LPAR1: variants seen among roughly 807,000 people sequenced by gnomAD.
LPAR1 encodes LPA receptor 1.
Under a neutral mutation model 23.8 loss-of-function variants are expected in LPAR1, and 5 were observed. The ratio of observed to expected loss-of-function variants is 0.21; its 90% CI spans 0.11 to 0.44. The LOEUF (loss-of-function observed/expected upper bound fraction) is 0.44, where lower values mean the gene tolerates loss of function less well. Ranked by LOEUF, LPAR1 falls within the 20% of genes least tolerant of loss-of-function variation. The pLI, the probability that LPAR1 is intolerant of heterozygous loss-of-function variation, is 0.99. For synonymous variants in LPAR1, 160 were observed against 164.7 expected, an observed-to-expected ratio of 0.97 and a Z score of 0.22; for missense variants, 311 against 482.8, an observed-to-expected ratio of 0.64 and a Z score of 3.33.
At chr9:110,891,843 C>T (rs1316684985) in intron 5 of LPAR1, among the ~76,000 whole-genome samples, 6 of 152,206 alleles carry the variant, frequency 3.9e-5, no homozygotes, top group Admixed American at 2.0e-4. Flanking sequence ...CAATGAGATA[C>T]GACTGCACAC....
Position 110,985,463 on chromosome 9 carries a change from A to G in LPAR1, c.-181-11905T>C, listed in dbSNP as rs113168384. On this transcript the variant is annotated intron_variant, in intron 2 of 5. Coordinates refer to ENST00000683809, the MANE Select transcript of LPAR1 (RefSeq NM_001351411.2). ...GGCACAGAGCTAACGCATTCCAAGG[A>G]AGAAATACAACTAGCCCATCCTGCG... is the stretch of plus-strand genomic sequence containing the variant. Among the ~76,000 whole-genome samples the G allele has an allele frequency of 2.6e-3, 401 of 152,234 alleles. 2 individuals are homozygous for G. The highest frequency in any genetic ancestry group is 9.3e-3 in the African/African-American group (387 of 41,556).
intron 5 of LPAR1, among the ~76,000 whole-genome samples, chr9:110,883,289 G>A (rs1004459338): frequency 1.3e-5 from 2 of 152,088 alleles, no homozygotes; most frequent in Non-Finnish European, 1.5e-5. Context: ...GCCCACCTTC[G>A]CCTCCCAAAG....
intron 2 of LPAR1, among the ~76,000 whole-genome samples, chr9:110,998,076 G>C (rs112893547): frequency 2.0e-5 from 3 of 152,150 alleles, no homozygotes; most frequent in African/African-American, 7.2e-5. Flanking sequence ...GTGGATCCAA[G>C]AATTTGCATT....
At chr9:110,911,547 A>T (rs1199435834) in intron 5 of LPAR1, among the ~76,000 whole-genome samples, 11 of 151,664 alleles carry the variant, frequency 7.3e-5, no homozygotes, top group Non-Finnish European at 7.4e-5. Flanking sequence ...ATCTAAAAAA[A>T]TAGTGGAGGA....
rs1000781847 is a variant in LPAR1, at chr9:110,990,559, G to T, written c.-181-17001C>A. ...TGAATATTTTGAACTAAATGAAGAG[G>T]AAAACAAAACATATCAAAATTTGTG... On this transcript the variant is annotated intron_variant, in intron 2 of 5. Coordinates refer to ENST00000683809, the MANE Select transcript of LPAR1 (RefSeq NM_001351411.2). Among the ~76,000 whole-genome samples, 3 of 151,898 alleles carry T rather than the reference G, an allele frequency of 2.0e-5. 1 individual carries two copies. Among genetic ancestry groups the T allele is most frequent in the Non-Finnish European group, 4.4e-5 (3 of 67,942 alleles).
intron 2 of LPAR1, among the ~76,000 whole-genome samples, chr9:110,978,762 G>A (rs2096610395): frequency 6.6e-6 from 1 of 152,166 alleles, no homozygotes; most frequent in South Asian, 2.1e-4. Flanking sequence ...TCTGGAATCT[G>A]AGCAGATGAA....
At chr9:110,937,543 G>A (rs563393836) in intron 5 of LPAR1, among the ~76,000 whole-genome samples, 3 of 152,172 alleles carry the variant, frequency 2.0e-5, no homozygotes, top group South Asian at 4.1e-4. Flanking sequence ...GTACCTATAC[G>A]CCATAGGGTT....
chr9:110,984,897 C>A (rs2096749720), intron 2 of LPAR1, among the ~76,000 whole-genome samples: 1 of 151,758 alleles, frequency 6.6e-6, no homozygotes, highest in African/African-American at 2.4e-5. Context: ...CATTCTTCAC[C>A]TTTTGAGAAA....
intron 2 of LPAR1, among the ~76,000 whole-genome samples, chr9:110,984,582 G>T (rs867079753): frequency 2.6e-5 from 4 of 151,832 alleles, no homozygotes; most frequent in South Asian, 4.2e-4. Flanking sequence ...CTTTCTTTTG[G>T]GTATATACTT....
intron 5 of LPAR1, among the ~76,000 whole-genome samples, chr9:110,896,981 G>A (rs998514076): frequency 2.0e-5 from 3 of 151,978 alleles, no homozygotes; most frequent in Non-Finnish European, 2.9e-5. Context: ...TAGAGATGGG[G>A]TTTCACCGTG....
intron 5 of LPAR1, among the ~76,000 whole-genome samples, chr9:110,896,023 G>C (rs1386033884): frequency 6.6e-6 from 1 of 152,128 alleles, no homozygotes; most frequent in East Asian, 1.9e-4. Context: ...AACTTAGTTA[G>C]GGAAGATGTA....
intron 4 of LPAR1, among the ~76,000 whole-genome samples, chr9:110,945,205 A>G (rs747382557): frequency 2.6e-5 from 4 of 152,198 alleles, no homozygotes; most frequent in Non-Finnish European, 5.9e-5. Flanking sequence ...GGGCTTTCCT[A>G]CTTCTTCAGG....
At chr9:110,886,403 C>A (rs2082404130) in intron 5 of LPAR1, among the ~76,000 whole-genome samples, 2 of 138,594 alleles carry the variant, frequency 1.4e-5, no homozygotes, top group Admixed American at 7.8e-5. Context: ...AGCATTATTA[C>A]CCATCAATAA....
chr9:111,007,651 CT>C (rs1275833714), intron 2 of LPAR1, among the ~76,000 whole-genome samples: 1 of 152,126 alleles, frequency 6.6e-6, no homozygotes, highest in Non-Finnish European at 1.5e-5. Context: ...CTTTCGAGCA[CT>C]GTGATCAGGG....
intron 2 of LPAR1, among the ~76,000 whole-genome samples, chr9:111,026,044 G>T (rs2097685253): frequency 6.6e-6 from 1 of 152,142 alleles, no homozygotes; most frequent in Non-Finnish European, 1.5e-5. Flanking sequence ...ATTTGAAGTA[G>T]TTTTTTCTAA....
chr9:110,978,770 G>C (rs2096610498), intron 2 of LPAR1, among the ~76,000 whole-genome samples: 1 of 152,158 alleles, frequency 6.6e-6, no homozygotes, highest in Admixed American at 6.6e-5. Context: ...CTGAGCAGAT[G>C]AATAGGTTTA....
chr9:110,897,008 C>T (rs536951129), intron 5 of LPAR1, among the ~76,000 whole-genome samples: 3 of 152,104 alleles, frequency 2.0e-5, no homozygotes, highest in Admixed American at 6.5e-5. Context: ...AGGATGGTCT[C>T]GATCTCCTGA....
At chr9:110,961,534 C>T (rs1321126056) in intron 4 of LPAR1, among the ~76,000 whole-genome samples, 1 of 144,744 alleles carries the variant, frequency 6.9e-6, no homozygotes, top group Non-Finnish European at 1.5e-5. Flanking sequence ...ACAGGAGAAT[C>T]GCTTGAAACC....
chr9:111,016,529 G>C (rs1247551323), intron 2 of LPAR1, among the ~76,000 whole-genome samples: 1 of 152,136 alleles, frequency 6.6e-6, no homozygotes. Flanking sequence ...TCTACTCCCT[G>C]AAGTAAAAAG....
Sources: gnomAD v4.1 joint callset for allele counts (sites outside exome capture counted in the v4.1 genomes callset) on GRCh38, gnomAD v4.1.1 for gene constraint, MANE v1.5 for transcripts, NCBI Gene and HGNC (gene_info 2026-07-23, HGNC 2026-07-21) for gene names.